Variants in CLMN observed in about 807,000 individuals in gnomAD.
CLMN encodes the protein calmin (calponin-like, transmembrane).
CLMN carries 57 observed loss-of-function variants against 92.7 expected under a neutral mutation model. The ratio of observed to expected loss-of-function variants is 0.61; its 90% confidence interval spans 0.50 to 0.77. The LOEUF (loss-of-function observed/expected upper bound fraction) is 0.77. Among genes scored for constraint, CLMN ranks in the 30% least tolerant of loss-of-function variants. The pLI is 0.00. For synonymous variants in CLMN, 466 were observed against 470.6 expected, an observed-to-expected ratio of 0.99 and a Z score of 0.13; for missense variants, 1,158 against 1,237.5, an observed-to-expected ratio of 0.94 and a Z score of 0.96.
At chr14:95,270,397 A>G (rs748641005) in intron 1 of CLMN, among the ~76,000 whole-genome samples, 3 of 151,964 alleles carry the variant, frequency 2.0e-5, no homozygotes, top group Non-Finnish European at 4.4e-5. Context: ...TTTAGAACAC[A>G]CTCACCAAAA....
intron 1 of CLMN, among the ~76,000 whole-genome samples, chr14:95,312,862 GC>G (rs1236444475): frequency 6.6e-6 from 1 of 152,126 alleles, no homozygotes; most frequent in African/African-American, 2.4e-5. Flanking sequence ...GCTGACTTTA[GC>G]AAAAACATCA....
intron 1 of CLMN, among the ~76,000 whole-genome samples, chr14:95,313,152 G>A (rs913143025): frequency 6.6e-6 from 1 of 152,214 alleles, no homozygotes; most frequent in African/African-American, 2.4e-5. Context: ...GTTGCAGTGA[G>A]TCAAGATCAC....
chr14:95,299,536 G>T (rs539331083), intron 1 of CLMN, among the ~76,000 whole-genome samples: 10 of 152,278 alleles, frequency 6.6e-5, no homozygotes, highest in African/African-American at 2.4e-4. Flanking sequence ...CTGTCCACAA[G>T]GACTCACAAT....
chr14:95,252,950 G>C (rs1169109619), intron 1 of CLMN, among the ~76,000 whole-genome samples: 5 of 152,184 alleles, frequency 3.3e-5, no homozygotes, highest in African/African-American at 1.2e-4. Context: ...CCATGCCCTG[G>C]AATAAGCCGT....
At chr14:95,317,546 G>A (rs1163156291) in intron 1 of CLMN, among the ~76,000 whole-genome samples, 3 of 151,494 alleles carry the variant, frequency 2.0e-5, no homozygotes, top group Non-Finnish European at 2.9e-5. Flanking sequence ...CAGCAAGAAA[G>A]GAAGTCCAGA....
intron 9 of CLMN, among the ~76,000 whole-genome samples, chr14:95,200,929 C>T (rs915765791): frequency 6.8e-6 from 1 of 146,306 alleles, no homozygotes; most frequent in African/African-American, 2.5e-5. Context: ...ATGTTAGCTA[C>T]GATGACTGTT....
At chr14:95,265,122 G>A (rs1899421244) in intron 1 of CLMN, among the ~76,000 whole-genome samples, 1 of 151,928 alleles carries the variant, frequency 6.6e-6, no homozygotes. Context: ...CATGCCTGTA[G>A]TCCCAGCTGC....
rs144763875 is a variant in CLMN, at chr14:95,201,727, C to A, written c.2511+1111G>T. Among the ~76,000 whole-genome samples the A allele has an allele frequency of 1.6e-3, 242 of 152,026 alleles. 1 individual carries two copies. The highest frequency in any genetic ancestry group is 5.4e-3 in the African/African-American group (225 of 41,418). ...CATTAGATATTTGTCCTAATGATCTCCCTCCCCTCGCCTCCCACCCCCCAA... is the reference window on the plus strand; with the variant it reads ...CATTAGATATTTGTCCTAATGATCTACCTCCCCTCGCCTCCCACCCCCCAA... On this transcript the variant is annotated intron_variant, in intron 9 of 12. Coordinates refer to ENST00000298912, the MANE Select transcript of CLMN (RefSeq NM_024734.4).
At chr14:95,236,255 C>T (rs1898051832) in intron 1 of CLMN, among the ~76,000 whole-genome samples, 1 of 152,222 alleles carries the variant, frequency 6.6e-6, no homozygotes, top group Non-Finnish European at 1.5e-5. Context: ...TGGTGCACCT[C>T]CCACTGTTCT....
intron 5 of CLMN, among the ~76,000 whole-genome samples, chr14:95,215,393 A>G (rs1897306384): frequency 6.6e-6 from 1 of 152,240 alleles, no homozygotes; most frequent in Admixed American, 6.5e-5. Flanking sequence ...TTTGAAGTAA[A>G]TATTTAACTC....
At chr14:95,293,066 CA>C in intron 1 of CLMN, among the ~76,000 whole-genome samples, 1 of 152,194 alleles carries the variant, frequency 6.6e-6, no homozygotes, top group East Asian at 1.9e-4. Context: ...ATTAAAATGA[CA>C]ATAACTATGT....
At chr14:95,225,879 G>A (rs721403) in intron 2 of CLMN, among the ~76,000 whole-genome samples, 1 of 152,088 alleles carries the variant, frequency 6.6e-6, no homozygotes, top group Non-Finnish European at 1.5e-5. Context: ...GACACTGTTT[G>A]GTTCCACACG....
At chr14:95,221,661 G>A (rs758992381) in intron 4 of CLMN, 30 bp downstream of exon 4, 3 of 1,585,824 alleles carry the variant, frequency 1.9e-6, no homozygotes, top group African/African-American at 1.3e-5. Context: ...GGACAAGCTT[G>A]TGTTAGCAGG....
chr14:95,264,889 A>G (rs570599753), intron 1 of CLMN, among the ~76,000 whole-genome samples: 1 of 150,718 alleles, frequency 6.6e-6, no homozygotes, highest in Non-Finnish European at 1.5e-5. Context: ...CCTGGGCAAC[A>G]TGGATCTACC....
At chr14:95,311,033 T>C (rs74077871) in intron 1 of CLMN, among the ~76,000 whole-genome samples, 9,529 of 152,164 alleles carry the variant, frequency 0.063, 316 homozygotes, top group Middle Eastern at 0.095. Flanking sequence ...AGACAGTGGT[T>C]GTGGCAACTA....
rs755392921 is a variant in CLMN, at chr14:95,184,032, C to T, written c.*7532G>A. 3.3e-5 allele frequency: 5 copies of T among 152,216 alleles called. No individual in the cohort carries two copies. The highest frequency in any genetic ancestry group is 1.3e-4 in the Admixed American group (2 of 15,296). The allele number at this position is 152,216 out of a possible 1,614,324, so 9.4% of individuals were successfully genotyped here. A position where few individuals can be genotyped will look rare whatever the true frequency, so the allele number is the denominator to read the frequency against. ...AGAGGTTGGAAGAAGCTATGGTACA[C>T]TAAGGGTTAGGGAAAGAGGTATAGT... On this transcript the variant is annotated 3_prime_UTR_variant, in exon 13 of 13. Transcript: ENST00000298912.
At chr14:95,249,793 CTG>C (rs1221391215) in intron 1 of CLMN, among the ~76,000 whole-genome samples, 2 of 152,152 alleles carry the variant, frequency 1.3e-5, no homozygotes, top group African/African-American at 4.8e-5. Context: ...CGGGGTTTCA[CTG>C]TGTTAGCCAG....
At chr14:95,198,649 C>T (rs181981709) in intron 9 of CLMN, among the ~76,000 whole-genome samples, 3 of 152,258 alleles carry the variant, frequency 2.0e-5, no homozygotes, top group Admixed American at 1.3e-4. Context: ...CATCTGCCCA[C>T]GCTCTCACCA....
intron 1 of CLMN, among the ~76,000 whole-genome samples, chr14:95,309,015 C>T (rs529899827): frequency 2.6e-5 from 4 of 152,068 alleles, no homozygotes; most frequent in Non-Finnish European, 4.4e-5. Context: ...AACAATGGAA[C>T]GGGGGCCATG....
Sources: allele counts gnomAD v4.1 joint callset (sites outside exome capture counted in the v4.1 genomes callset), GRCh38; gene constraint gnomAD v4.1.1; transcripts MANE v1.5; gene names NCBI Gene and HGNC (gene_info 2026-07-23, HGNC 2026-07-21).